Variants in CCDC157 observed in about 807,000 individuals in gnomAD.
The protein encoded by CCDC157 is coiled-coil domain-containing protein 157.
In CCDC157, 60 loss-of-function variants were observed where a neutral mutation model predicts 70.9. That is an observed-to-expected ratio of 0.85 (90% confidence interval 0.69 to 1.05). The LOEUF (loss-of-function observed/expected upper bound fraction) is 1.05, where lower values mean the gene tolerates loss of function less well. Ranked by LOEUF, CCDC157 falls within the 50% of genes least tolerant of loss-of-function variation. CCDC157 has a pLI of 0.00. For missense variants in CCDC157, 943 were observed against 984.2 expected (o/e 0.96, Z 0.56); for synonymous variants, 373 against 422.4 (o/e 0.88, Z 1.43).
chr22:30,373,516 T>G, intron 7 of CCDC157, 81 bp from the exon 8 acceptor site: 1 of 1,467,786 alleles, frequency 6.8e-7, no homozygotes. Context: ...GGGTAGTAGA[T>G]GCTGTAGCCT....
At position 30,370,341 on chromosome 22, in the gene CCDC157, A is replaced by C; in HGVS notation, c.436A>C (p.Arg146=). Residue 146 remains arginine (R), a synonymous_variant, in exon 5 of 12, where the codon AGG becomes CGG. Transcript: ENST00000338306. The stretch of plus-strand genomic sequence containing the variant: ...CTGAACACAGAAAGGGGCAAACCAA[A>C]GGGAGACTCCCACCTCCAAGCCCAC... ...QPLPQKGANQ[R]ETPTSKPTTK... The C allele has an allele frequency of 6.2e-7, 1 of 1,613,748 alleles. No individual in the cohort carries two copies.
chr22:30,375,368 G>A (rs772507414), intron 9 of CCDC157, 111 bp from the exon 10 acceptor site: 470 of 968,364 alleles, frequency 4.9e-4, no homozygotes, highest in Non-Finnish European at 6.4e-4. Context: ...GGCCTCGGGA[G>A]AAGGAAGATG....
chr22:30,357,905 C>T (rs1415836599), intron 1 of CCDC157, among the ~76,000 whole-genome samples: 1 of 152,138 alleles, frequency 6.6e-6, no homozygotes, highest in African/African-American at 2.4e-5. Flanking sequence ...GTCAAGCGAT[C>T]CTCCCGCCTT....
At position 30,357,038 on chromosome 22, in the gene CCDC157, A is replaced by C. The variant is rs1215109820; in HGVS notation, c.-260A>C. 2 of 380,422 alleles carry C rather than the reference A, an allele frequency of 5.3e-6. No homozygotes were observed. The highest frequency in any genetic ancestry group is 2.1e-5 in the African/African-American group (1 of 47,990). 23.6% of individuals were successfully genotyped at this position (380,422 alleles called of 1,614,324 possible). ...AAGGCAGCGGCCTGAGCGCCCGGCT[A>C]GGGCTTTTCGGGGATCCCGGTGGCC... On this transcript the variant is annotated 5_prime_UTR_variant, in exon 1 of 12. Transcript: ENST00000338306.
At chr22:30,363,961 C>T (rs973674857) in intron 2 of CCDC157, among the ~76,000 whole-genome samples, 5 of 152,006 alleles carry the variant, frequency 3.3e-5, no homozygotes, top group Non-Finnish European at 4.4e-5. Flanking sequence ...GGATTACAGG[C>T]GTGAGCCATT....
chr22:30,374,036 G>A lies in CCDC157; in HGVS notation c.1617G>A (p.Glu539=), dbSNP rs955363762. 3 of 1,608,188 alleles carry A rather than the reference G, an allele frequency of 1.9e-6. No homozygotes were observed. The highest frequency in any genetic ancestry group is 2.7e-5 in the African/African-American group (2 of 74,832). ...AGCTGGAGGAGCTGAAGGAGCGGGA[G>A]CGGCTGCTGGTGGCCTTCCCAGACC... ...ERELEELKER[E]RLLVAFPDLH... is the part of the protein sequence containing the mutation. The change falls in exon 9 of 12, where the codon GAG becomes GAA. Residue 539 remains glutamate, a synonymous_variant. Transcript: ENST00000338306.
intron 3 of CCDC157, among the ~76,000 whole-genome samples, chr22:30,368,317 C>T (rs1459987844): frequency 1.3e-5 from 2 of 152,220 alleles, no homozygotes; most frequent in Admixed American, 6.5e-5. Flanking sequence ...CCTGCCCATC[C>T]ATCATGGCCT....
intron 9 of CCDC157, chr22:30,374,954 CTTTTTTTTTTTT>C: frequency 4.2e-6 from 1 of 237,218 alleles, no homozygotes; most frequent in South Asian, 3.1e-5. Flanking sequence ...TTTGCTAAGT[CTTTTTTTTTTTT>C]TTTTTTTTTT....
intron 2 of CCDC157, among the ~76,000 whole-genome samples, chr22:30,363,683 CTTTTTTTTTT>C (rs55722661): frequency 7.9e-5 from 9 of 114,636 alleles, no homozygotes; most frequent in African/African-American, 3.0e-4. Flanking sequence ...GAATGTTTCT[CTTTTTTTTTT>C]TTTTTTTTTT....
At chr22:30,359,642 T>A (rs1160166698) in intron 1 of CCDC157, among the ~76,000 whole-genome samples, 1 of 152,242 alleles carries the variant, frequency 6.6e-6, no homozygotes, top group Non-Finnish European at 1.5e-5. Flanking sequence ...AATGGCCATG[T>A]GTTGTCAAAC....
chr22:30,373,359 G>A, intron 7 of CCDC157: 1 of 545,614 alleles, frequency 1.8e-6, no homozygotes. Flanking sequence ...GCGTTCCAAG[G>A]GCCGGGGTCT....
Position 30,373,684 on chromosome 22 carries a change from G to A in CCDC157, c.1423G>A (p.Ala475Thr). 1 of 1,555,188 alleles carries A rather than the reference G, an allele frequency of 6.4e-7. No homozygotes were observed. Among genetic ancestry groups the A allele is most frequent in the Non-Finnish European group, 8.7e-7 (1 of 1,149,564 alleles). The change falls in exon 8 of 12, where the codon GCT (alanine) becomes ACT (threonine). Residue 475 changes from alanine (A) to threonine (T), a missense_variant. By Grantham distance (58) the Ala-to-Thr change is moderately conservative (BLOSUM62 0). Transcript: ENST00000338306. ...GGAGCTGCGGGGCAGCCTGGACGAGGCTGAGGCCCAGCGGGCCCGCGTGGA... is the reference window on the plus strand; with the variant it reads ...GGAGCTGCGGGGCAGCCTGGACGAGACTGAGGCCCAGCGGGCCCGCGTGGA... The part of the protein sequence containing the change: ...REELRGSLDE[A>T]EAQRARVEEQ...
chr22:30,362,454 G>A (rs1390055375), intron 2 of CCDC157, among the ~76,000 whole-genome samples: 1 of 152,190 alleles, frequency 6.6e-6, no homozygotes, highest in Non-Finnish European at 1.5e-5. Flanking sequence ...TAGAAGAAGT[G>A]TGGGGAAGGG....
intron 10 of CCDC157, 130 bp from the exon 11 acceptor site, chr22:30,376,129 C>A: frequency 1.3e-6 from 1 of 768,832 alleles, no homozygotes; most frequent in East Asian, 2.6e-5. Context: ...AGGCCCTGCC[C>A]CTAGGTGAAA....
At chr22:30,374,318 G>A (rs2145952915) in intron 9 of CCDC157, 1 of 642,982 alleles carries the variant, frequency 1.6e-6, no homozygotes, top group Middle Eastern at 2.5e-4. Flanking sequence ...TGATGTGACT[G>A]CCTCTAGTCA....
intron 2 of CCDC157, among the ~76,000 whole-genome samples, chr22:30,365,004 C>A (rs1376602263): frequency 6.6e-6 from 1 of 152,176 alleles, no homozygotes; most frequent in Non-Finnish European, 1.5e-5. Context: ...CAGTGAGCAT[C>A]TACAATGGGC....
Position 30,375,739 on chromosome 22 carries a change from G to A in CCDC157, c.1857+76G>A, listed in dbSNP as rs547818832. On this transcript the variant is annotated intron_variant, in intron 10 of 11. Transcript: ENST00000338306. ...GCAGCAGGTCTTCAGACTCTGCCCC[G>A]GGAACTTGTGGAGAGCCCACCTCAT... 52 of 1,336,620 alleles carry A rather than the reference G, an allele frequency of 3.9e-5. No homozygotes were observed. In the East Asian group the frequency reaches 4.0e-4, roughly 10 times the overall value. 82.8% of individuals were successfully genotyped at this position (1,336,620 alleles called of 1,614,324 possible). A position where few individuals can be genotyped will look rare whatever the true frequency, so the allele number is the denominator to read the frequency against.
chr22:30,373,630 C>G lies in CCDC157; in HGVS notation c.1369C>G (p.Gln457Glu), dbSNP rs1263833338. 1 of 1,557,450 alleles carries G rather than the reference C, an allele frequency of 6.4e-7. No homozygotes were observed. Among genetic ancestry groups the G allele is most frequent in the Non-Finnish European group, 8.7e-7 (1 of 1,150,346 alleles). The change falls in exon 8 of 12, where the codon CAG (glutamine) becomes GAG (glutamate). Residue 457 changes from glutamine to glutamate, a missense_variant. Coordinates refer to ENST00000338306, the MANE Select transcript of CCDC157 (RefSeq NM_001017437.5). ...GGCCAAGCAGCGAGCCCTGCTAAAG[C>G]AGCTGGACAGCCTGGACCAGGAACG... ...LQAKQRALLK[Q>E]LDSLDQEREE...
chr22:30,374,376 T>C (rs951152516), intron 9 of CCDC157: 1 of 606,232 alleles, frequency 1.6e-6, no homozygotes, highest in Non-Finnish European at 3.1e-6. Context: ...CAGCCTGTGC[T>C]CTTCACTACG....
Sources: allele counts gnomAD v4.1 joint callset (sites outside exome capture counted in the v4.1 genomes callset), GRCh38; gene constraint gnomAD v4.1.1; transcripts MANE v1.5; gene names NCBI Gene and HGNC (gene_info 2026-07-23, HGNC 2026-07-21).